Variants in GSE1 observed in about 807,000 individuals in gnomAD.
GSE1 encodes the protein Gse1 coiled-coil protein.
A neutral mutation model predicts 112.6 loss-of-function variants in GSE1; 32 were observed. That is an observed-to-expected ratio of 0.28 (90% confidence interval 0.21 to 0.38). The LOEUF is 0.38. Among genes scored for constraint, GSE1 ranks in the 10% least tolerant of loss-of-function variants. The pLI is 1.00. For missense variants in GSE1, 2,348 were observed against 1,699.2 expected, an observed-to-expected ratio of 1.38 and a Z score of -6.71; for synonymous variants, 1,115 against 735.6, an observed-to-expected ratio of 1.52 and a Z score of -8.35.
chr16:85,326,834 C>T (rs1036989892), intron 1 of GSE1, among the ~76,000 whole-genome samples: 3 of 152,238 alleles, frequency 2.0e-5, no homozygotes, highest in African/African-American at 4.8e-5. Context: ...TGTGGGGTCC[C>T]GATCAGTTTA....
chr16:85,537,561 C>G (rs2044373729), intron 2 of GSE1, among the ~76,000 whole-genome samples: 1 of 152,208 alleles, frequency 6.6e-6, no homozygotes, highest in African/African-American at 2.4e-5. Flanking sequence ...CGCAGGAACC[C>G]CCTGTGGGAG....
At chr16:85,264,264 T>C (rs916160137) in intron 1 of GSE1, among the ~76,000 whole-genome samples, 1 of 151,962 alleles carries the variant, frequency 6.6e-6, no homozygotes, top group Non-Finnish European at 1.5e-5. Context: ...GTCCCTGGTG[T>C]GGAATGTGGT....
intron 1 of GSE1, among the ~76,000 whole-genome samples, chr16:85,261,478 C>T (rs1907675975): frequency 6.6e-6 from 1 of 152,226 alleles, no homozygotes; most frequent in South Asian, 2.1e-4. Flanking sequence ...GAGGAGGGCG[C>T]AGAGTGGGTA....
intron 1 of GSE1, among the ~76,000 whole-genome samples, chr16:85,203,556 A>G (rs1183045711): frequency 6.6e-6 from 1 of 152,174 alleles, no homozygotes; most frequent in African/African-American, 2.4e-5. Context: ...AGGACACGGA[A>G]GGGGAGGAAG....
chr16:85,651,082 CT>C (rs2051309866), intron 3 of GSE1, among the ~76,000 whole-genome samples: 1 of 137,984 alleles, frequency 7.2e-6, no homozygotes, highest in Admixed American at 7.1e-5. Context: ...CCTCCTCCCC[CT>C]CCCCCTCCGC....
intron 1 of GSE1, among the ~76,000 whole-genome samples, chr16:85,292,656 C>T (rs767603040): frequency 5.9e-5 from 9 of 151,566 alleles, no homozygotes; most frequent in East Asian, 1.9e-4. Context: ...GATGGGGTTT[C>T]GACATATTGG....
intron 1 of GSE1, among the ~76,000 whole-genome samples, chr16:85,229,666 G>A (rs2075548501): frequency 6.6e-6 from 1 of 152,238 alleles, no homozygotes; most frequent in African/African-American, 2.4e-5. Flanking sequence ...TCCAGAAGCC[G>A]TGCTCTTAAC....
intron 2 of GSE1, among the ~76,000 whole-genome samples, chr16:85,381,818 A>C (rs4783182): frequency 0.63 from 96,337 of 152,150 alleles, 32,019 homozygotes; most frequent in Non-Finnish European, 0.74. Context: ...AGGCCGGTGC[A>C]TCTGTTCACA....
Position 85,359,265 on chromosome 16 carries a change from G to A in GSE1, c.2464+1622G>A, listed in dbSNP as rs1036893022. 18 of 396,910 alleles carry A rather than the reference G, an allele frequency of 4.5e-5. No individual in the cohort carries two copies. In the East Asian group the frequency reaches 1.2e-3, roughly 27 times the overall value. 24.6% of individuals were successfully genotyped at this position (396,910 alleles called of 1,614,324 possible). On this transcript the variant is annotated intron_variant, in intron 2 of 2. Coordinates refer to the GSE1 transcript ENST00000637419. ...CCTGTTTGGCGATGCGTCCTCCTGGGCCTGGCGGCTCACGGGTCAGTGGAG... is the reference window on the plus strand; with the variant it reads ...CCTGTTTGGCGATGCGTCCTCCTGGACCTGGCGGCTCACGGGTCAGTGGAG...
intron 1 of GSE1, among the ~76,000 whole-genome samples, chr16:85,598,866 G>A (rs891450838): frequency 3.3e-5 from 5 of 152,240 alleles, no homozygotes; most frequent in African/African-American, 1.2e-4. Context: ...TGCTGGAGCA[G>A]GGACCTGTGG....
Position 85,656,415 on chromosome 16 carries a change from CCGCGAGCGGGAGAAGGAACGTGAG to C in GSE1, c.1068_1091del (p.Arg363_Glu370del). The C allele has an allele frequency of 6.4e-7, 1 of 1,569,306 alleles. No homozygotes were observed. Among genetic ancestry groups the C allele is most frequent in the Non-Finnish European group, 8.7e-7 (1 of 1,153,086 alleles). On this transcript the variant is annotated inframe_deletion, in exon 7 of 16. Transcript: ENST00000253458. ...AGCGCGAGCGTGAGCGTGAGGCTGA[CCGCGAGCGGGAGAAGGAACGTGAG>C]CGCGAACGCGAGAAGGAGCGCGAGC...
chr16:85,638,761 C>A (rs1219800663), intron 2 of GSE1, among the ~76,000 whole-genome samples: 1 of 151,764 alleles, frequency 6.6e-6, no homozygotes, highest in African/African-American at 2.4e-5. Flanking sequence ...CCACTGCCAC[C>A]CCTTCCCCTG....
At chr16:85,170,477 C>T (rs578182204) in exon 1 of GSE1, 6 of 985,476 alleles carry the variant, frequency 6.1e-6, no homozygotes, top group Non-Finnish European at 7.2e-6. Context: ...GGCTTCTGCA[C>T]CTCCGAGGAC....
chr16:85,307,178 C>G (rs1049138390), intron 1 of GSE1, among the ~76,000 whole-genome samples: 1 of 152,202 alleles, frequency 6.6e-6, no homozygotes, highest in Non-Finnish European at 1.5e-5. Flanking sequence ...AAGCTCAGGC[C>G]TCGTTTACCT....
intron 1 of GSE1, among the ~76,000 whole-genome samples, chr16:85,347,400 G>A (rs1222746435): frequency 3.3e-5 from 5 of 152,138 alleles, no homozygotes; most frequent in South Asian, 2.1e-4. Context: ...GCACCCAAGC[G>A]CCCTGTTGCC....
intron 1 of GSE1, among the ~76,000 whole-genome samples, chr16:85,298,107 G>A (rs1475497578): frequency 6.6e-6 from 1 of 152,184 alleles, no homozygotes; most frequent in Non-Finnish European, 1.5e-5. Context: ...AAACTGCAAC[G>A]TGGGACATGT....
At chr16:85,326,097 G>T (rs970956352) in intron 1 of GSE1, among the ~76,000 whole-genome samples, 1 of 152,174 alleles carries the variant, frequency 6.6e-6, no homozygotes, top group Non-Finnish European at 1.5e-5. Flanking sequence ...GGGGTAGAAA[G>T]TTGGCCTGAC....
rs927602482 is a variant in GSE1, at chr16:85,235,651, C to A, written c.2283+63844C>A. On this transcript the variant is annotated intron_variant, in intron 1 of 2. Transcript: ENST00000637419. Reference sequence around the variant, plus strand: ...GCTCATACTCCTCGTCCCCCCTCCTCCCCCCGAGGGTGGGGTTGGATTCCG... The same window carrying A: ...GCTCATACTCCTCGTCCCCCCTCCTACCCCCGAGGGTGGGGTTGGATTCCG... Among the ~76,000 whole-genome samples the A allele has an allele frequency of 9.2e-5, 14 of 151,650 alleles. 1 individual carries two copies. Among genetic ancestry groups the A allele is most frequent in the South Asian group, 6.2e-4 (3 of 4,810 alleles).
chr16:85,633,549 G>C (rs182482225), intron 1 of GSE1, among the ~76,000 whole-genome samples: 1 of 152,176 alleles, frequency 6.6e-6, no homozygotes, highest in Non-Finnish European at 1.5e-5. Flanking sequence ...CTCCGCCTGG[G>C]CCTCAGTCTC....
Sources: allele counts gnomAD v4.1 joint callset (sites outside exome capture counted in the v4.1 genomes callset), GRCh38; gene constraint gnomAD v4.1.1; transcripts MANE v1.5; gene names NCBI Gene and HGNC (gene_info 2026-07-23, HGNC 2026-07-21).